Variants in PLCH2 observed in about 807,000 individuals in gnomAD.
The protein encoded by PLCH2 is 1-phosphatidylinositol 4,5-bisphosphate phosphodiesterase eta-2.
Under a neutral mutation model 134.7 loss-of-function variants are expected in PLCH2, and 98 were observed. That is an observed-to-expected ratio of 0.73 (90% CI 0.62 to 0.86). The LOEUF is 0.86. Among genes scored for constraint, PLCH2 ranks in the 40% least tolerant of loss-of-function variants. The pLI, the probability that PLCH2 is intolerant of heterozygous loss-of-function variation, is 0.00. For synonymous variants in PLCH2, 974 were observed against 827.5 expected (o/e 1.18, Z -3.04); for missense variants, 1,994 against 1,986.6 (o/e 1.00, Z -0.07).
At chr1:2,491,884 C>T (rs999727839) in intron 11 of PLCH2, among the ~76,000 whole-genome samples, 4 of 151,428 alleles carry the variant, frequency 2.6e-5, no homozygotes, top group South Asian at 2.1e-4. Context: ...GCTGGGGACA[C>T]GGTCTCCTGG....
intron 2 of PLCH2, among the ~76,000 whole-genome samples, chr1:2,446,657 G>A (rs1557954589): frequency 1.3e-5 from 2 of 152,370 alleles, no homozygotes; most frequent in South Asian, 2.1e-4. Flanking sequence ...CTTTCCACTC[G>A]CCCAGCACAA....
chr1:2,439,381 G>C lies in PLCH2; in HGVS notation c.115+8752G>C, dbSNP rs1329209366. Among the ~76,000 whole-genome samples the C allele has an allele frequency of 6.6e-6, 1 of 151,776 alleles. No homozygotes were observed. The highest frequency in any genetic ancestry group is 1.5e-5 in the Non-Finnish European group (1 of 67,976). On this transcript the variant is annotated intron_variant, in intron 2 of 3. Transcript: ENST00000609981. The surrounding 1 kb of genome is among the most constrained non-coding windows in gnomAD (Gnocchi z 4.7). ...AGACCTGGTCCCCGACCCCAGGGCTGCCCCCGGGTTCTGGGCCCTGTTCAT... is the reference window on the plus strand; with the variant it reads ...AGACCTGGTCCCCGACCCCAGGGCTCCCCCCGGGTTCTGGGCCCTGTTCAT...
upstream of PLCH2, among the ~76,000 whole-genome samples, chr1:2,465,486 C>T (rs1393791009): frequency 1.3e-5 from 2 of 152,182 alleles, no homozygotes; most frequent in African/African-American, 4.8e-5. Flanking sequence ...TGTGCTTGTT[C>T]CTTCCAGTCG....
intron 10 of PLCH2, 138 bp from the exon 11 acceptor site, chr1:2,491,054 T>A (rs1642548979): frequency 1.3e-6 from 1 of 794,294 alleles, no homozygotes; most frequent in Admixed American, 2.9e-5. Flanking sequence ...TGCCTGTGGC[T>A]GCCTGCAGGC....
At chr1:2,432,053 TG>T (rs1194683595) in intron 2 of PLCH2, among the ~76,000 whole-genome samples, 1 of 152,106 alleles carries the variant, frequency 6.6e-6, no homozygotes, top group African/African-American at 2.4e-5. Context: ...GGTCCCAGAC[TG>T]GGGGGCTTGT....
intron 20 of PLCH2, chr1:2,501,849 G>A (rs892755402): frequency 1.8e-5 from 8 of 448,326 alleles, no homozygotes; most frequent in African/African-American, 4.1e-5. Flanking sequence ...CAGGTCAGGC[G>A]AGGGCAGTTT....
chr1:2,456,839 G>T (rs544803708), intron 2 of PLCH2, among the ~76,000 whole-genome samples: 2 of 152,260 alleles, frequency 1.3e-5, no homozygotes, highest in South Asian at 4.1e-4. Flanking sequence ...CCAGCGGAGG[G>T]GCCCGTGCTG....
intron 1 of PLCH2, 141 bp downstream of exon 1, chr1:2,476,853 T>C: frequency 1.1e-6 from 1 of 913,544 alleles, no homozygotes; most frequent in African/African-American, 1.7e-5. Context: ...CCGGGTGCTC[T>C]AGGGATCATG....
chr1:2,485,734 C>T (rs1570432646), intron 5 of PLCH2, among the ~76,000 whole-genome samples: 1 of 152,108 alleles, frequency 6.6e-6, no homozygotes, highest in Non-Finnish European at 1.5e-5. Flanking sequence ...GCTGCGTCAG[C>T]CTCTCGGTGA....
At position 2,505,056 on chromosome 1, in the gene PLCH2, G is replaced by T. The variant is rs1280188867; in HGVS notation, c.4094G>T (p.Gly1365Val). 1.9e-6 allele frequency: 3 copies of T among 1,540,082 alleles called. No individual in the cohort carries two copies. Among genetic ancestry groups the T allele is most frequent in the African/African-American group, 2.7e-5 (2 of 73,114 alleles). ...CAGGAGCGGCAGCAGAGACTGCAGG[G>T]CCTGGGCCGGCAGGGACCCCCAGAA... ...QAQERQQRLQ[G>V]LGRQGPPEEE... Residue 1365 changes from glycine (G) to valine (V), a missense_variant, in exon 22 of 22, where the codon GGC becomes GTC. By Grantham distance (109) the Gly-to-Val change is moderately radical. Transcript: ENST00000378486.
chr1:2,475,420 G>GC (rs1382955455), upstream of PLCH2, among the ~76,000 whole-genome samples: 1 of 152,246 alleles, frequency 6.6e-6, no homozygotes, highest in African/African-American at 2.4e-5. Context: ...CTGGTGTTCA[G>GC]CCGGGGTCTG....
chr1:2,438,115 C>T (rs1639518984), intron 2 of PLCH2, among the ~76,000 whole-genome samples: 1 of 152,248 alleles, frequency 6.6e-6, no homozygotes, highest in Non-Finnish European at 1.5e-5. Context: ...AGGGCAGGGT[C>T]ACACTGCGCT....
At chr1:2,480,016 A>G in intron 3 of PLCH2, 39 bp downstream of exon 3, 5 of 1,590,768 alleles carry the variant, frequency 3.1e-6, no homozygotes, top group African/African-American at 1.3e-5. Flanking sequence ...AGACCCAGGG[A>G]CCGGCCCCTT....
Position 2,433,625 on chromosome 1 carries a change from C to T in PLCH2, c.115+2996C>T, listed in dbSNP as rs188366095. On this transcript the variant is annotated intron_variant, in intron 2 of 3. Transcript: ENST00000609981. ...GTGCACTCAGATCTGCGTTTTCCTTCGGACTCTACACCGGCTCTTATGTTG... is the reference window on the plus strand; with the variant it reads ...GTGCACTCAGATCTGCGTTTTCCTTTGGACTCTACACCGGCTCTTATGTTG... Among the ~76,000 whole-genome samples the T allele has an allele frequency of 2.4e-4, 36 of 152,342 alleles. 1 individual carries two copies. The highest frequency in any genetic ancestry group is 5.8e-4 in the East Asian group (3 of 5,184).
At position 2,478,198 on chromosome 1, in the gene PLCH2, C is replaced by T. The variant is rs533225057; in HGVS notation, c.125-278C>T. Among the ~76,000 whole-genome samples the T allele has an allele frequency of 2.2e-3, 328 of 152,302 alleles. 2 individuals are homozygous for T. The highest frequency in any genetic ancestry group is 7.6e-3 in the African/African-American group (317 of 41,566). ...CGAGCAGGGTGGGGAGCAGGGCCCT[C>T]AGTTCCCAGGACCATCTGGGGAGGA... On this transcript the variant is annotated intron_variant, in intron 1 of 21. Transcript: ENST00000378486.
At chr1:2,469,302 G>A (rs1641214773) in intron 1 of PLCH2, among the ~76,000 whole-genome samples, 1 of 152,228 alleles carries the variant, frequency 6.6e-6, no homozygotes, top group African/African-American at 2.4e-5. Context: ...CAGCTGGCCA[G>A]GGAAGGGCCT....
At position 2,431,221 on chromosome 1, in the gene PLCH2, C is replaced by T. The variant is rs989132029; in HGVS notation, c.115+592C>T. Among the ~76,000 whole-genome samples the T allele has an allele frequency of 3.3e-5, 5 of 151,990 alleles. No individual in the cohort carries two copies. The East Asian group carries it at 5.8e-4, about 18-fold the overall frequency. On this transcript the variant is annotated intron_variant, in intron 2 of 3. Transcript: ENST00000609981. ...GGGCCCCTGCTGCTCTCTGGGCGGC[C>T]GCTCCCAGGCAAGAACCATGGCAGT...
In PLCH2 at chr1:2,439,879, G is replaced by A. The variant is rs955028928; in HGVS notation, c.115+9250G>A. The stretch of plus-strand genomic sequence containing the variant: ...GGGCACGCGGCTCCCTGCCTGCAGG[G>A]ACCTCATGATCTTAATGTGAAGGGC... On this transcript the variant is annotated intron_variant, in intron 2 of 3. Transcript: ENST00000609981. This position sits in a 1 kb window ranked among gnomAD's most constrained non-coding sequence, Gnocchi z 4.7. Among the ~76,000 whole-genome samples, 9 of 152,112 alleles carry A rather than the reference G, an allele frequency of 5.9e-5. No homozygotes were observed.
At chr1:2,470,063 C>A (rs76770418) in intron 1 of PLCH2, among the ~76,000 whole-genome samples, 1 of 152,222 alleles carries the variant, frequency 6.6e-6, no homozygotes, top group Non-Finnish European at 1.5e-5. Context: ...CACCATGATG[C>A]AGCCCTGACT....
Sources: gnomAD v4.1 joint callset for allele counts (sites outside exome capture counted in the v4.1 genomes callset) on GRCh38, gnomAD v4.1.1 for gene constraint, Gnocchi (gnomAD v3.1) non-coding constraint, MANE v1.5 for transcripts, NCBI Gene and HGNC (gene_info 2026-07-23, HGNC 2026-07-21) for gene names.